MGAT5: variants seen among roughly 807,000 people sequenced by gnomAD.
MGAT5 encodes the protein alpha-1,6-mannosylglycoprotein 6-beta-N-acetylglucosaminyltransferase.
Under a neutral mutation model 94.3 loss-of-function variants are expected in MGAT5, and 30 were observed. The observed-to-expected ratio is 0.32, with a 90% confidence interval of 0.24 to 0.43. The LOEUF is 0.43. MGAT5 is among the 20% of genes least tolerant of loss of function. The probability of loss-of-function intolerance (pLI) is 1.00; values close to 1 mark genes in which losing one functional copy is unlikely to be tolerated. For synonymous variants in MGAT5, 310 were observed against 322.9 expected, an observed-to-expected ratio of 0.96 and a Z score of 0.43; for missense variants, 691 against 905.5, an observed-to-expected ratio of 0.76 and a Z score of 3.04.
chr2:134,326,318 A>G (rs908786072), intron 4 of MGAT5, among the ~76,000 whole-genome samples: 1 of 151,988 alleles, frequency 6.6e-6, no homozygotes, highest in Non-Finnish European at 1.5e-5. Context: ...ACATTTGAAC[A>G]ATCCATTGCA....
At chr2:134,250,733 G>T (rs1682541701), upstream of MGAT5, among the ~76,000 whole-genome samples, 1 of 152,090 alleles carries the variant, frequency 6.6e-6, no homozygotes, top group Admixed American at 6.5e-5. Flanking sequence ...CTTAAAATCT[G>T]GGCCCTCACT....
chr2:134,365,753 C>G (rs1680387777), intron 10 of MGAT5, among the ~76,000 whole-genome samples: 2 of 152,222 alleles, frequency 1.3e-5, no homozygotes, highest in South Asian at 4.2e-4. Context: ...CTTTCTCACA[C>G]TCTGGTCTTG....
chr2:134,258,922 A>G (rs1184610614), intron 1 of MGAT5, among the ~76,000 whole-genome samples: 2 of 152,214 alleles, frequency 1.3e-5, no homozygotes, highest in Non-Finnish European at 2.9e-5. Context: ...GGTGCCTGAC[A>G]TTGTGTGCTT....
rs567236313 is a variant in MGAT5 at position 134,151,721 on chromosome 2, C to T, written c.-143+31430C>T. ...CCTCACTCACCCATGCCCTGTGGGACCCACTCACCGCCATGGGACCTCACT... is the reference window on the plus strand; with the variant it reads ...CCTCACTCACCCATGCCCTGTGGGATCCACTCACCGCCATGGGACCTCACT... On this transcript the variant is annotated intron_variant, in intron 1 of 16. Coordinates refer to the MGAT5 transcript ENST00000409645. Among the ~76,000 whole-genome samples, 347 of 142,262 alleles carry T rather than the reference C, an allele frequency of 2.4e-3. 1 individual carries two copies. Among genetic ancestry groups the T allele is most frequent in the African/African-American group, 8.7e-3 (313 of 35,986 alleles). The allele number at this position is 142,262 out of a possible 152,430, so 93.3% of individuals were successfully genotyped here. A position where few individuals can be genotyped will look rare whatever the true frequency, so the allele number is the denominator to read the frequency against.
Position 134,336,263 on chromosome 2 carries a change from A to G in MGAT5, c.620A>G (p.Tyr207Cys), listed in dbSNP as rs747953070. Residue 207 changes from tyrosine to cysteine, a missense_variant, in exon 5 of 16, where the codon TAC becomes TGC. Tyr to Cys is a radical substitution (Grantham distance 194). Coordinates refer to ENST00000281923, the MANE Select transcript of MGAT5 (RefSeq NM_002410.5). ...TTACCTTGGAGAGCAAAAAATCCCT[A>G]CGAAGAAGCTGATCATAATTCATTG... ...PHLPWRAKNP[Y>C]EEADHNSLAE... is the part of the protein sequence containing the mutation. The G allele has an allele frequency of 8.1e-6, 13 of 1,612,830 alleles. No individual in the cohort carries two copies. In the Admixed American group the frequency reaches 1.8e-4, roughly 23 times the overall value.
At chr2:134,264,936 G>A (rs1051836162) in intron 1 of MGAT5, among the ~76,000 whole-genome samples, 1 of 152,200 alleles carries the variant, frequency 6.6e-6, no homozygotes, top group Admixed American at 6.5e-5. Context: ...GTAAGACCTT[G>A]CTCATTGCGT....
chr2:134,245,312 C>G (rs978388054), intron 1 of MGAT5, among the ~76,000 whole-genome samples: 5 of 152,158 alleles, frequency 3.3e-5, no homozygotes, highest in African/African-American at 1.2e-4. Context: ...CCCAGCCCCT[C>G]AGAATTCTTG....
At position 134,268,322 on chromosome 2, in the gene MGAT5, G is replaced by T. The variant is rs1420425147; in HGVS notation, c.242-2064G>T. Reference sequence around the variant, plus strand: ...GCTCTAGGCAAAGAGGCTGAAATGGGGGAGATTGATCTTTTATATCTGAAG... The same window carrying T: ...GCTCTAGGCAAAGAGGCTGAAATGGTGGAGATTGATCTTTTATATCTGAAG... On this transcript the variant is annotated intron_variant, in intron 1 of 15. Transcript: ENST00000281923. This position sits in a 1 kb window ranked among gnomAD's most constrained non-coding sequence, Gnocchi z 4.1. Among the ~76,000 whole-genome samples the T allele has an allele frequency of 6.6e-6, 1 of 152,326 alleles. No homozygotes were observed. The highest frequency in any genetic ancestry group is 1.9e-4 in the East Asian group (1 of 5,190).
At chr2:134,338,182 C>A in intron 5 of MGAT5, 77 bp from the exon 6 acceptor site, 1 of 1,248,296 alleles carries the variant, frequency 8.0e-7, no homozygotes, top group Non-Finnish European at 1.1e-6. Context: ...TTTAAGTTTT[C>A]AGATGTCACA....
chr2:134,280,070 C>T (rs749726443), intron 2 of MGAT5, among the ~76,000 whole-genome samples: 1 of 152,150 alleles, frequency 6.6e-6, no homozygotes, highest in African/African-American at 2.4e-5. Context: ...TTAAGCTGTG[C>T]TTTTGGCTTT....
intron 2 of MGAT5, among the ~76,000 whole-genome samples, chr2:134,303,586 G>C (rs548661648): frequency 2.0e-5 from 3 of 152,230 alleles, no homozygotes; most frequent in Non-Finnish European, 4.4e-5. Flanking sequence ...TGGAAAGCCT[G>C]AAATGTTGAC....
rs180800557 is a variant in MGAT5 at position 134,410,817 on chromosome 2, C to T, written c.1531-2052C>T. 4.4e-4 allele frequency among the ~76,000 whole-genome samples: 67 copies of T among 152,318 alleles called. 1 individual carries two copies. The highest frequency in any genetic ancestry group is 7.2e-4 in the Non-Finnish European group (49 of 68,032). ...ATGGCAGGCCCTGATTTTCAGAGGT[C>T]AGGAGGCACTGTGGGTTCTCTGACT... is the stretch of plus-strand genomic sequence containing the variant. On this transcript the variant is annotated intron_variant, in intron 11 of 15. Coordinates refer to ENST00000281923, the MANE Select transcript of MGAT5 (RefSeq NM_002410.5).
chr2:134,441,916 G>A lies in MGAT5; in HGVS notation c.2027+1G>A, dbSNP rs1345834881. Reference sequence around the variant, plus strand: ...TCAACAAGGACAAGGACATGCTGAAGTAAGTGCCCTGGGGTGGGGGTGGGG... The same window carrying A: ...TCAACAAGGACAAGGACATGCTGAAATAAGTGCCCTGGGGTGGGGGTGGGG... On this transcript the variant is annotated splice_donor_variant, in intron 15 of 15. Coordinates refer to ENST00000281923, the MANE Select transcript of MGAT5 (RefSeq NM_002410.5). LOFTEE classifies it high-confidence loss of function. 6.3e-7 allele frequency: 1 copy of A among 1,591,930 alleles called. No individual in the cohort carries two copies. Among genetic ancestry groups the A allele is most frequent in the Non-Finnish European group, 8.6e-7 (1 of 1,160,492 alleles).
intron 2 of MGAT5, among the ~76,000 whole-genome samples, chr2:134,279,943 A>T (rs1315265246): frequency 1.3e-5 from 2 of 152,256 alleles, no homozygotes; most frequent in African/African-American, 4.8e-5. Flanking sequence ...CTTAAAATTT[A>T]AAAAAATACT....
upstream of MGAT5, among the ~76,000 whole-genome samples, chr2:134,251,616 G>A (rs1421614582): frequency 1.3e-5 from 2 of 152,020 alleles, no homozygotes; most frequent in Admixed American, 1.3e-4. Flanking sequence ...TTTATTCCCT[G>A]TTTTAAAAAT....
intron 10 of MGAT5, among the ~76,000 whole-genome samples, chr2:134,397,522 G>A (rs1190628388): frequency 6.6e-6 from 1 of 152,120 alleles, no homozygotes; most frequent in African/African-American, 2.4e-5. Context: ...GGTTTTATTC[G>A]CCCTGCTCCT....
chr2:134,145,245 T>TGTGTGTGTGTGTGTG (rs1558955417), intron 1 of MGAT5, among the ~76,000 whole-genome samples: 3 of 151,918 alleles, frequency 2.0e-5, no homozygotes, highest in African/African-American at 4.8e-5. Flanking sequence ...TGTGTGTGTG[T>TGTGTGTGTGTGTGTG]TTAAAGAACC....
intron 1 of MGAT5, among the ~76,000 whole-genome samples, chr2:134,130,450 C>G (rs1159794328): frequency 6.6e-6 from 1 of 152,266 alleles, no homozygotes; most frequent in Non-Finnish European, 1.5e-5. Flanking sequence ...CACAGATCCA[C>G]TAGGCGAAGC....
intron 1 of MGAT5, among the ~76,000 whole-genome samples, chr2:134,165,435 T>G (rs1687925378): frequency 6.6e-6 from 1 of 152,100 alleles, no homozygotes; most frequent in Non-Finnish European, 1.5e-5. Flanking sequence ...GAAGGGAAGT[T>G]TTTTTTAGAG....
Sources: allele counts gnomAD v4.1 joint callset (sites outside exome capture counted in the v4.1 genomes callset), GRCh38; gene constraint gnomAD v4.1.1; non-coding constraint Gnocchi (gnomAD v3.1); transcripts MANE v1.5; gene names NCBI Gene and HGNC (gene_info 2026-07-23, HGNC 2026-07-21).